Variants in AP1M1 observed in about 807,000 individuals in gnomAD.
AP1M1 encodes AP-1 complex subunit mu-1.
A neutral mutation model predicts 57.1 loss-of-function variants in AP1M1; 18 were observed. The observed-to-expected ratio is 0.32, with a 90% CI of 0.22 to 0.47. The LOEUF (loss-of-function observed/expected upper bound fraction) is 0.47. Ranked by LOEUF, AP1M1 falls within the 20% of genes least tolerant of loss-of-function variation. The pLI is 1.00. For missense variants in AP1M1, 362 were observed against 593.5 expected (o/e 0.61, Z 4.05); for synonymous variants, 241 against 237.9 (o/e 1.01, Z -0.12).
chr19:16,245,671 G>A lies in AP1M1; in HGVS notation c.*11236G>A, dbSNP rs1392337419. The A allele has an allele frequency of 1.3e-5, 2 of 152,068 alleles. No individual in the cohort carries two copies. The highest frequency in any genetic ancestry group is 2.9e-5 in the Non-Finnish European group (2 of 68,020). 9.4% of individuals were successfully genotyped at this position (152,068 alleles called of 1,614,324 possible). On this transcript the variant is annotated 3_prime_UTR_variant, in exon 12 of 12. Coordinates refer to ENST00000291439, the MANE Select transcript of AP1M1 (RefSeq NM_032493.4). The stretch of plus-strand genomic sequence containing the variant: ...AGTTTGACAAAATGACTTTTAGCTG[G>A]AGCATTAAGTCCCTTTACATTTAAT...
intron 9 of AP1M1, among the ~76,000 whole-genome samples, chr19:16,232,577 C>T (rs2091603616): frequency 6.6e-6 from 1 of 152,208 alleles, no homozygotes; most frequent in South Asian, 2.1e-4. Flanking sequence ...CTCCTGGAGT[C>T]TGTACTCAGC....
chr19:16,226,205 C>T (rs1022447008), intron 5 of AP1M1, among the ~76,000 whole-genome samples: 19 of 152,258 alleles, frequency 1.2e-4, no homozygotes, highest in African/African-American at 4.1e-4. Flanking sequence ...GAGGGGTGAG[C>T]CTGGGGACCC....
rs749638008 is a variant in AP1M1, at chr19:16,228,211, G to T, written c.888+3G>T. 2.5e-6 allele frequency: 4 copies of T among 1,613,276 alleles called. No individual in the cohort carries two copies. The highest frequency in any genetic ancestry group is 2.5e-6 in the Non-Finnish European group (3 of 1,180,012). ...GCCGCATCGAGTACATGATCAAGGTGCGTGGGCCGAGGCCACCCACTGAGG... is the reference window on the plus strand; with the variant it reads ...GCCGCATCGAGTACATGATCAAGGTTCGTGGGCCGAGGCCACCCACTGAGG... On this transcript the variant is annotated splice_donor_region_variant and intron_variant, in intron 8 of 11. Transcript: ENST00000291439. This position sits in a 1 kb window ranked among gnomAD's most constrained non-coding sequence, Gnocchi z 5.0.
rs2145118370 is a variant in AP1M1, at chr19:16,207,992, T to C, written c.268-27T>C. Reference sequence around the variant, plus strand: ...GTCCGCTCAATGATCTGCCTCCCATTCCTCCCTCCCTCCCCAACCGCCACA... The same window carrying C: ...GTCCGCTCAATGATCTGCCTCCCATCCCTCCCTCCCTCCCCAACCGCCACA... On this transcript the variant is annotated intron_variant, in intron 3 of 11. Transcript: ENST00000291439. The surrounding 1 kb of genome is among the most constrained non-coding windows in gnomAD (Gnocchi z 4.2). 6.3e-7 allele frequency: 1 copy of C among 1,598,406 alleles called. No homozygotes were observed. The highest frequency in any genetic ancestry group is 1.1e-5 in the South Asian group (1 of 89,298).
chr19:16,198,115 G>C, intron 1 of AP1M1, 47 bp downstream of exon 1: 1 of 1,585,600 alleles, frequency 6.3e-7, no homozygotes, highest in Non-Finnish European at 8.6e-7. Context: ...ACCGGCAGGG[G>C]CCTCCGCCCG....
chr19:16,229,188 C>G (rs917554586), intron 9 of AP1M1, among the ~76,000 whole-genome samples: 69 of 152,320 alleles, frequency 4.5e-4, no homozygotes, highest in African/African-American at 1.6e-3. Context: ...AGTGCCCTCT[C>G]CCTCCCTCTC....
chr19:16,209,701 G>A (rs1568349359), intron 5 of AP1M1, among the ~76,000 whole-genome samples: 1 of 151,942 alleles, frequency 6.6e-6, no homozygotes, highest in East Asian at 1.9e-4. Flanking sequence ...GCCTCATTCT[G>A]TAGACAGACA....
At chr19:16,219,232 A>G (rs12976340) in intron 5 of AP1M1, among the ~76,000 whole-genome samples, 100,026 of 151,882 alleles carry the variant, frequency 0.66, 35,177 homozygotes, top group Non-Finnish European at 0.8. Context: ...ATAAAATCCC[A>G]TTGGTCATAG....
chr19:16,201,973 G>A (rs1464351486), intron 1 of AP1M1, among the ~76,000 whole-genome samples: 7 of 152,128 alleles, frequency 4.6e-5, no homozygotes, highest in Non-Finnish European at 1.0e-4. Context: ...TTCAGCAGTG[G>A]GGGAGAGACC....
Position 16,197,975 on chromosome 19 carries a change from T to TCGCTGCCGCCGCCACCCCCCTCGGC in AP1M1, c.-36_-35insCCCCTCGGCCGCTGCCGCCGCCACC. 1 of 1,451,816 alleles carries TCGCTGCCGCCGCCACCCCCCTCGGC rather than the reference T, an allele frequency of 6.9e-7. No homozygotes were observed. Among genetic ancestry groups the TCGCTGCCGCCGCCACCCCCCTCGGC allele is most frequent in the Admixed American group, 2.4e-5 (1 of 42,448 alleles). The allele number at this position is 1,451,816 out of a possible 1,614,324, so 89.9% of individuals were successfully genotyped here. On this transcript the variant is annotated 5_prime_UTR_variant, in exon 1 of 12. Transcript: ENST00000291439. ...GCTCAACGCCCAGCAGTCCCCACCG[T>TCGCTGCCGCCGCCACCCCCCTCGGC]CGCTGCCGCCGCCACCGCCCTCGGC...
Position 16,203,665 on chromosome 19 carries a change from T to C in AP1M1, c.199+50T>C. Reference sequence around the variant, plus strand: ...CAGGGGACTCCTGTGTGGGTGTTGGTGTGTGTGCATATCCACACGCCTGCA... The same window carrying C: ...CAGGGGACTCCTGTGTGGGTGTTGGCGTGTGTGCATATCCACACGCCTGCA... On this transcript the variant is annotated intron_variant, in intron 2 of 11. Coordinates refer to ENST00000291439, the MANE Select transcript of AP1M1 (RefSeq NM_032493.4). This position sits in a 1 kb window ranked among gnomAD's most constrained non-coding sequence, Gnocchi z 4.6. 1 of 1,549,060 alleles carries C rather than the reference T, an allele frequency of 6.5e-7. No homozygotes were observed. Among genetic ancestry groups the C allele is most frequent in the Non-Finnish European group, 8.8e-7 (1 of 1,141,674 alleles).
rs370663435 is a variant in AP1M1 at position 16,244,882 on chromosome 19, T to TTTTTTTTTTTTTTTG, written c.*10449_*10450insTTTTTTTTTTTTGTT. ...TAAATAACATGGATAAAATTTGTTG[T>TTTTTTTTTTTTTTTG]TTGTTGTTGTTGTTGTTGTTGTTGT... is the stretch of plus-strand genomic sequence containing the variant. On this transcript the variant is annotated 3_prime_UTR_variant, in exon 12 of 12. Coordinates refer to ENST00000291439, the MANE Select transcript of AP1M1 (RefSeq NM_032493.4). 1 of 149,574 alleles carries TTTTTTTTTTTTTTTG rather than the reference T, an allele frequency of 6.7e-6. No individual in the cohort carries two copies. The highest frequency in any genetic ancestry group is 2.5e-5 in the African/African-American group (1 of 39,910). The allele number at this position is 149,574 out of a possible 1,614,324, so 9.3% of individuals were successfully genotyped here.
chr19:16,211,121 G>A (rs1489793535), intron 5 of AP1M1, among the ~76,000 whole-genome samples: 1 of 135,702 alleles, frequency 7.4e-6, no homozygotes, highest in East Asian at 2.2e-4. Flanking sequence ...TTTCGACAGA[G>A]TCTCACTTTG....
chr19:16,244,882 TTTGTTGTTG>T lies in AP1M1; in HGVS notation c.*10472_*10480del, dbSNP rs71178663. On this transcript the variant is annotated 3_prime_UTR_variant, in exon 12 of 12. Coordinates refer to ENST00000291439, the MANE Select transcript of AP1M1 (RefSeq NM_032493.4). ...TAAATAACATGGATAAAATTTGTTG[TTTGTTGTTG>T]TTGTTGTTGTTGTTGTTGTTGTTGA... 1 of 149,574 alleles carries T rather than the reference TTTGTTGTTG, an allele frequency of 6.7e-6. No individual in the cohort carries two copies. Among genetic ancestry groups the T allele is most frequent in the Non-Finnish European group, 1.5e-5 (1 of 67,700 alleles). 9.3% of individuals were successfully genotyped at this position (149,574 alleles called of 1,614,324 possible).
chr19:16,232,308 G>A (rs1266489260), intron 9 of AP1M1, among the ~76,000 whole-genome samples: 1 of 152,224 alleles, frequency 6.6e-6, no homozygotes, highest in Non-Finnish European at 1.5e-5. Context: ...GTGAGCCGGC[G>A]CCAGCCTACA....
At position 16,241,664 on chromosome 19, in the gene AP1M1, G is replaced by C. The variant is rs1214395315; in HGVS notation, c.*7229G>C. ...AAGGGTTGAAAGAAAACTTTTAACAGATTAATAGGAAGAAGGAAAAGAGAA... is the reference window on the plus strand; with the variant it reads ...AAGGGTTGAAAGAAAACTTTTAACACATTAATAGGAAGAAGGAAAAGAGAA... On this transcript the variant is annotated 3_prime_UTR_variant, in exon 12 of 12. Coordinates refer to ENST00000291439, the MANE Select transcript of AP1M1 (RefSeq NM_032493.4). 6.6e-6 allele frequency: 1 copy of C among 151,962 alleles called. No individual in the cohort carries two copies. Among genetic ancestry groups the C allele is most frequent in the African/African-American group, 2.4e-5 (1 of 41,386 alleles). 9.4% of individuals were successfully genotyped at this position (151,962 alleles called of 1,614,324 possible).
Position 16,207,288 on chromosome 19 carries a change from G to A in AP1M1, c.268-731G>A, listed in dbSNP as rs568181975. Among the ~76,000 whole-genome samples, 6 of 152,286 alleles carry A rather than the reference G, an allele frequency of 3.9e-5. No homozygotes were observed. The highest frequency in any genetic ancestry group is 3.3e-4 in the Admixed American group (5 of 15,300). ...CAAGCCTGGGCGGTGAGGGCTTGGG[G>A]AAGGAGCCGAGGGTCACCTGGGAAG... On this transcript the variant is annotated intron_variant, in intron 3 of 11. Coordinates refer to ENST00000291439, the MANE Select transcript of AP1M1 (RefSeq NM_032493.4). This position sits in a 1 kb window ranked among gnomAD's most constrained non-coding sequence, Gnocchi z 4.2.
chr19:16,205,361 CTGAGAGGCACCCATGAGAAGG>C (rs2091465152), intron 2 of AP1M1, among the ~76,000 whole-genome samples: 1 of 152,214 alleles, frequency 6.6e-6, no homozygotes, highest in South Asian at 2.1e-4. Flanking sequence ...AAGGCCGTGG[CTGAGAGGCACCCATGAGAAGG>C]TGAGAGGCCC....
chr19:16,228,017 C>A lies in AP1M1; in HGVS notation c.817-120C>A. 2.8e-6 allele frequency: 3 copies of A among 1,078,212 alleles called. No individual in the cohort carries two copies. Among genetic ancestry groups the A allele is most frequent in the Non-Finnish European group, 2.7e-6 (2 of 727,564 alleles). The allele number at this position is 1,078,212 out of a possible 1,614,324, so 66.8% of individuals were successfully genotyped here. ...CCTGACGCTGGCTGTACGCTCCCTG[C>A]AGGGCTCTGGGCCCACACCTGGGCA... is the stretch of plus-strand genomic sequence containing the variant. On this transcript the variant is annotated intron_variant, in intron 7 of 11. Transcript: ENST00000291439. The surrounding 1 kb of genome is among the most constrained non-coding windows in gnomAD (Gnocchi z 5.0).
Sources: allele counts gnomAD v4.1 joint callset (sites outside exome capture counted in the v4.1 genomes callset), GRCh38; gene constraint gnomAD v4.1.1; non-coding constraint Gnocchi (gnomAD v3.1); transcripts MANE v1.5; gene names NCBI Gene and HGNC (gene_info 2026-07-23, HGNC 2026-07-21).